Variants in PLXNC1 observed in about 807,000 individuals in gnomAD.
PLXNC1 encodes the protein plexin-C1.
A neutral mutation model predicts 178.2 loss-of-function variants in PLXNC1; 75 were observed. That is an observed-to-expected ratio of 0.42 (90% CI 0.35 to 0.51). The LOEUF (loss-of-function observed/expected upper bound fraction) is 0.51. Among genes scored for constraint, PLXNC1 ranks in the 20% least tolerant of loss-of-function variants. The probability of loss-of-function intolerance (pLI) is 0.02; values close to 1 mark genes in which losing one functional copy is unlikely to be tolerated. For missense variants in PLXNC1, 1,503 were observed against 1,984.4 expected (o/e 0.76, Z 4.61); for synonymous variants, 790 against 779.9 (o/e 1.01, Z -0.22).
chr12:94,254,822 C>G lies in PLXNC1; in HGVS notation c.2917C>G (p.Leu973Val). ...VGVTRHKSKELSRKQSQQLEL... is the reference protein window; with the variant it reads ...VGVTRHKSKEVSRKQSQQLEL... ...GGTGACCAGGCACAAATCGAAGGAG[C>G]TGAGTCGCAAACAGAGTCAACAACT... is the stretch of plus-strand genomic sequence containing the variant. Residue 973 changes from leucine (L) to valine (V), a missense_variant, in exon 16 of 31, where the codon CTG becomes GTG. Leu to Val is a conservative substitution (Grantham distance 32, BLOSUM62 1). Coordinates refer to ENST00000258526, the MANE Select transcript of PLXNC1 (RefSeq NM_005761.3). The G allele has an allele frequency of 3.7e-6, 6 of 1,610,306 alleles. No homozygotes were observed. Among genetic ancestry groups the G allele is most frequent in the Non-Finnish European group, 5.1e-6 (6 of 1,179,104 alleles).
At position 94,219,701 on chromosome 12, in the gene PLXNC1, A is replaced by T. The variant is rs571527335; in HGVS notation, c.1555-315A>T. Among the ~76,000 whole-genome samples, 3 of 152,330 alleles carry T rather than the reference A, an allele frequency of 2.0e-5. No individual in the cohort carries two copies. In the South Asian group the frequency reaches 6.2e-4, roughly 32 times the overall value. On this transcript the variant is annotated intron_variant, in intron 5 of 30. Coordinates refer to ENST00000258526, the MANE Select transcript of PLXNC1 (RefSeq NM_005761.3). Reference sequence around the variant, plus strand: ...TACAGAGAGCTCTTGAAAATTGATAAGAAAAATATACACACAAAGCAGAAA... The same window carrying T: ...TACAGAGAGCTCTTGAAAATTGATATGAAAAATATACACACAAAGCAGAAA...
rs1321216604 is a variant in PLXNC1 at position 94,304,040 on chromosome 12, T to C, written c.4591T>C (p.Tyr1531His). The C allele has an allele frequency of 1.9e-6, 3 of 1,538,630 alleles. No homozygotes were observed. Among genetic ancestry groups the C allele is most frequent in the Non-Finnish European group, 1.8e-6 (2 of 1,113,206 alleles). Residue 1531 changes from tyrosine to histidine, a missense_variant, in exon 30 of 31, where the codon TAT (tyrosine) becomes CAT (histidine). By Grantham distance (83) the Tyr-to-His change is moderately conservative. Around this residue, in one of 4 missense-constraint regions of PLXNC1, gnomAD observed 639 missense variants for 979.7 expected, o/e 0.65. Coordinates refer to ENST00000258526, the MANE Select transcript of PLXNC1 (RefSeq NM_005761.3). Reference protein sequence around the residue: ...LTEIYKYIVKYFDEILNKLER... With the variant: ...LTEIYKYIVKHFDEILNKLER... ...AGAAATTTACAAATACATCGTAAAA[T>C]ATTTTGATGAGGTAAGATTTTAAAT...
intron 9 of PLXNC1, among the ~76,000 whole-genome samples, chr12:94,234,661 A>T (rs1304101573): frequency 1.3e-5 from 2 of 152,202 alleles, no homozygotes; most frequent in African/African-American, 4.8e-5. Context: ...AAATCCTTGG[A>T]CATAGAGTGA....
At chr12:94,230,061 C>T (rs746427763) in intron 9 of PLXNC1, among the ~76,000 whole-genome samples, 7 of 152,208 alleles carry the variant, frequency 4.6e-5, no homozygotes, top group Non-Finnish European at 8.8e-5. Flanking sequence ...ACAAGGCTCC[C>T]CAGGTTGCCC....
intron 4 of PLXNC1, among the ~76,000 whole-genome samples, chr12:94,190,268 G>T (rs978848688): frequency 6.6e-6 from 1 of 152,148 alleles, no homozygotes; most frequent in Non-Finnish European, 1.5e-5. Context: ...TTGAGACAGG[G>T]TCTCATCCTG....
intron 17 of PLXNC1, among the ~76,000 whole-genome samples, chr12:94,256,844 C>CAAAAAAAAAAAAAAAAAAAAAA (rs35718233): frequency 9.0e-6 from 1 of 110,994 alleles, no homozygotes; most frequent in African/African-American, 3.3e-5. Flanking sequence ...TGAGTGTTTC[C>CAAAAAAAAAAAAAAAAAAAAAA]AAAAAAAAAA....
intron 1 of PLXNC1, among the ~76,000 whole-genome samples, chr12:94,153,415 A>C (rs1169483064): frequency 1.3e-5 from 2 of 152,108 alleles, no homozygotes; most frequent in Non-Finnish European, 2.9e-5. Flanking sequence ...CCTTTTTTTC[A>C]TTCTTTTTTA....
In PLXNC1 at chr12:94,253,680, C is replaced by CTTT. The variant is rs60523235; in HGVS notation, c.2882-1097_2882-1095dup. On this transcript the variant is annotated intron_variant, in intron 15 of 30. Transcript: ENST00000258526. ...GCAGAGCCCGTCTATTATGTAATTT[C>CTTT]TTTTTTTTTTTTGAGAAAGGGTCTC... Among the ~76,000 whole-genome samples the CTTT allele has an allele frequency of 9.0e-3, 1,333 of 148,502 alleles. 6 individuals are homozygous for CTTT. Among genetic ancestry groups the CTTT allele is most frequent in the Non-Finnish European group, 0.015 (1,009 of 67,068 alleles).
chr12:94,181,327 G>C, intron 2 of PLXNC1, 119 bp from the exon 3 acceptor site: 1 of 610,312 alleles, frequency 1.6e-6, no homozygotes. Context: ...GGCGGAGGTT[G>C]CAGTGAGCCA....
chr12:94,277,189 C>G (rs1418101017), intron 21 of PLXNC1: 1 of 152,184 alleles, frequency 6.6e-6, no homozygotes, highest in Admixed American at 6.5e-5. Flanking sequence ...CGCCTTCCTG[C>G]TGGGTCCTCA....
intron 9 of PLXNC1, among the ~76,000 whole-genome samples, chr12:94,232,176 T>A (rs748503698): frequency 3.3e-5 from 5 of 152,082 alleles, no homozygotes; most frequent in Admixed American, 6.6e-5. Flanking sequence ...AACCTCTGCC[T>A]CCCCAGTTCA....
intron 15 of PLXNC1, among the ~76,000 whole-genome samples, chr12:94,253,707 CTTT>C (rs1964764449): frequency 1.3e-5 from 2 of 151,394 alleles, no homozygotes; most frequent in Admixed American, 6.6e-5. Flanking sequence ...AAGGGTCTCA[CTTT>C]TTTGCCCAGG....
chr12:94,199,908 A>G (rs969659359), intron 4 of PLXNC1, among the ~76,000 whole-genome samples: 5 of 152,212 alleles, frequency 3.3e-5, no homozygotes, highest in African/African-American at 9.7e-5. Flanking sequence ...CTTCTGCCTC[A>G]GCCTCCTGAG....
chr12:94,254,826 G>A lies in PLXNC1; in HGVS notation c.2921G>A (p.Ser974Asn). The A allele has an allele frequency of 6.2e-7, 1 of 1,611,246 alleles. No individual in the cohort carries two copies. Among genetic ancestry groups the A allele is most frequent in the Non-Finnish European group, 8.5e-7 (1 of 1,179,398 alleles). ...ACCAGGCACAAATCGAAGGAGCTGAGTCGCAAACAGAGTCAACAACTAGAA... is the reference window on the plus strand; with the variant it reads ...ACCAGGCACAAATCGAAGGAGCTGAATCGCAAACAGAGTCAACAACTAGAA... ...GVTRHKSKEL[S>N]RKQSQQLELL... Residue 974 changes from serine to asparagine, a missense_variant, in exon 16 of 31, where the codon AGT becomes AAT. Physicochemically the swap from Ser to Asn is conservative, Grantham distance 46. Coordinates refer to ENST00000258526, the MANE Select transcript of PLXNC1 (RefSeq NM_005761.3).
At chr12:94,221,221 G>A (rs1332837760) in intron 6 of PLXNC1, among the ~76,000 whole-genome samples, 3 of 152,214 alleles carry the variant, frequency 2.0e-5, no homozygotes, top group Admixed American at 6.5e-5. Flanking sequence ...CACAACGTAG[G>A]CATTCACAAT....
rs140775073 is a variant in PLXNC1 at position 94,201,838 on chromosome 12, G to A, written c.1440-7752G>A. ...GGCTGGAGTGCAGTGGCATGATCTCGACTCACTGCAGGCTCTGCCTCCAGT... is the reference window on the plus strand; with the variant it reads ...GGCTGGAGTGCAGTGGCATGATCTCAACTCACTGCAGGCTCTGCCTCCAGT... On this transcript the variant is annotated intron_variant, in intron 4 of 30. Transcript: ENST00000258526. 1.9e-4 allele frequency among the ~76,000 whole-genome samples: 26 copies of A among 136,576 alleles called. No individual in the cohort carries two copies. In the South Asian group the frequency reaches 5.3e-3, roughly 28 times the overall value. 89.6% of individuals were successfully genotyped at this position (136,576 alleles called of 152,430 possible).
At chr12:94,171,793 C>T (rs780694369) in intron 2 of PLXNC1, among the ~76,000 whole-genome samples, 8 of 152,292 alleles carry the variant, frequency 5.3e-5, no homozygotes, top group Non-Finnish European at 1.0e-4. Flanking sequence ...GGAAATACCT[C>T]ACTGGCGTGG....
At position 94,220,086 on chromosome 12, in the gene PLXNC1, G is replaced by A; in HGVS notation, c.1625G>A (p.Ser542Asn). ...SKCMVKNVDSSRELCQNKSQP... is the reference protein window; with the variant it reads ...SKCMVKNVDSNRELCQNKSQP... Reference sequence around the variant, plus strand: ...TGCATGGTGAAGAATGTGGACTCTAGCAGGGAGCTCTGCCAGAATAAAAGT... The same window carrying A: ...TGCATGGTGAAGAATGTGGACTCTAACAGGGAGCTCTGCCAGAATAAAAGT... Residue 542 changes from serine to asparagine, a missense_variant, in exon 6 of 31, where the codon AGC becomes AAC. Physicochemically the swap from Ser to Asn is conservative, Grantham distance 46. This residue lies in a region of PLXNC1 where 615 missense variants were observed against 698.6 expected (regional missense o/e 0.88). Transcript: ENST00000258526. 1 of 1,614,042 alleles carries A rather than the reference G, an allele frequency of 6.2e-7. No individual in the cohort carries two copies. The highest frequency in any genetic ancestry group is 8.5e-7 in the Non-Finnish European group (1 of 1,179,926).
chr12:94,203,302 A>C (rs1204403671), intron 4 of PLXNC1, among the ~76,000 whole-genome samples: 1 of 152,232 alleles, frequency 6.6e-6, no homozygotes. Context: ...TACATCATTC[A>C]TTCTTGTCTC....
Sources: gnomAD v4.1 joint callset for allele counts (sites outside exome capture counted in the v4.1 genomes callset) on GRCh38, gnomAD v4.1.1 for gene constraint, gnomAD v4.1.1 regional missense constraint, MANE v1.5 for transcripts, NCBI Gene and HGNC (gene_info 2026-07-23, HGNC 2026-07-21) for gene names.